NDST3: variants seen among roughly 807,000 people sequenced by gnomAD.
NDST3 encodes N-deacetylase and N-sulfotransferase 3.
In NDST3, 58 loss-of-function variants were observed where a neutral mutation model predicts 96.1. The ratio of observed to expected loss-of-function variants is 0.60; its 90% CI spans 0.49 to 0.75. NDST3 has a LOEUF of 0.75. Among genes scored for constraint, NDST3 ranks in the 30% least tolerant of loss-of-function variants. NDST3 has a pLI of 0.00. For missense variants in NDST3, 788 were observed against 1,034.2 expected, an observed-to-expected ratio of 0.76 and a Z score of 3.27; for synonymous variants, 333 against 359.7, an observed-to-expected ratio of 0.93 and a Z score of 0.84.
chr4:118,058,634 TGCGCGC>T (rs72236505), intron 2 of NDST3, among the ~76,000 whole-genome samples: 267 of 11,562 alleles, frequency 0.023, 3 homozygotes, highest in Middle Eastern at 0.05. Flanking sequence ...TGTGTGTGTG[TGCGCGC>T]GCGCGCACGC....
At chr4:118,057,755 G>A (rs1725546838) in intron 2 of NDST3, among the ~76,000 whole-genome samples, 1 of 152,084 alleles carries the variant, frequency 6.6e-6, no homozygotes, top group South Asian at 2.1e-4. Context: ...TTTGCAGTAA[G>A]TTGGAGTCAG....
At chr4:118,051,478 G>A (rs983468264) in intron 1 of NDST3, among the ~76,000 whole-genome samples, 1 of 152,002 alleles carries the variant, frequency 6.6e-6, no homozygotes, top group Non-Finnish European at 1.5e-5. Flanking sequence ...ACAACCTACA[G>A]AATGGGAGAA....
rs75813653 is a variant in NDST3, at chr4:118,112,230, G to A, written c.1070-2576G>A. On this transcript the variant is annotated intron_variant, in intron 3 of 13. Transcript: ENST00000296499. ...ATTCAGGAAAGGACAACAAATGCCT[G>A]AGCTATCTTTTCAAAGAACCCTGAG... Among the ~76,000 whole-genome samples, 50 of 152,304 alleles carry A rather than the reference G, an allele frequency of 3.3e-4. No individual in the cohort carries two copies. In the East Asian group the frequency reaches 7.9e-3, roughly 24 times the overall value.
chr4:118,051,600 A>G (rs567051242), intron 1 of NDST3, among the ~76,000 whole-genome samples: 4 of 152,200 alleles, frequency 2.6e-5, no homozygotes, highest in Non-Finnish European at 5.9e-5. Context: ...AAAGGACATG[A>G]GCAGATGTTT....
intron 4 of NDST3, among the ~76,000 whole-genome samples, chr4:118,117,538 T>C (rs773256990): frequency 6.6e-6 from 1 of 152,238 alleles, no homozygotes; most frequent in Non-Finnish European, 1.5e-5. Flanking sequence ...GCATTGTTGC[T>C]GACTTTAAAG....
intron 3 of NDST3, among the ~76,000 whole-genome samples, chr4:118,114,089 A>T (rs1239523156): frequency 2.0e-5 from 3 of 152,044 alleles, no homozygotes; most frequent in Non-Finnish European, 2.9e-5. Flanking sequence ...CTGACCCTTA[A>T]GGAAAAAAGA....
chr4:118,052,328 AC>A (rs1314814598), intron 1 of NDST3, among the ~76,000 whole-genome samples: 1 of 152,082 alleles, frequency 6.6e-6, no homozygotes, highest in Non-Finnish European at 1.5e-5. Flanking sequence ...TGGGAGCTAA[AC>A]CCTGAGCACA....
chr4:118,075,299 T>C (rs1727431634), intron 2 of NDST3, among the ~76,000 whole-genome samples: 1 of 152,208 alleles, frequency 6.6e-6, no homozygotes, highest in Non-Finnish European at 1.5e-5. Context: ...AGTCTATCAT[T>C]GTTGGACATT....
At chr4:118,088,642 A>G (rs1028143111) in intron 2 of NDST3, among the ~76,000 whole-genome samples, 5 of 152,072 alleles carry the variant, frequency 3.3e-5, no homozygotes, top group Non-Finnish European at 5.9e-5. Flanking sequence ...AGAAACCGCA[A>G]TTTAGTTCGG....
At chr4:118,202,427 G>A (rs1236843016) in intron 6 of NDST3, among the ~76,000 whole-genome samples, 3 of 152,100 alleles carry the variant, frequency 2.0e-5, no homozygotes, top group South Asian at 2.1e-4. Context: ...CCATTTTTAC[G>A]AAACTGATTC....
intron 1 of NDST3, among the ~76,000 whole-genome samples, chr4:118,038,496 G>A (rs1724271165): frequency 6.6e-6 from 1 of 152,168 alleles, no homozygotes; most frequent in Admixed American, 6.5e-5. Context: ...TGCAGTTCTA[G>A]AGACAGAGTG....
chr4:118,149,920 G>A lies in NDST3; in HGVS notation c.1539+6236G>A, dbSNP rs538114295. Among the ~76,000 whole-genome samples, 3 of 151,032 alleles carry A rather than the reference G, an allele frequency of 2.0e-5. No individual in the cohort carries two copies. In the South Asian group the frequency reaches 6.3e-4, roughly 32 times the overall value. On this transcript the variant is annotated intron_variant, in intron 6 of 13. Coordinates refer to ENST00000296499, the MANE Select transcript of NDST3 (RefSeq NM_004784.3). Reference sequence around the variant, plus strand: ...TCATAGATAGCTCTTATTATTTTGAGATATGTCCCATCAATACCTAATTTA... The same window carrying A: ...TCATAGATAGCTCTTATTATTTTGAAATATGTCCCATCAATACCTAATTTA...
At chr4:118,208,309 G>T (rs368277459) in intron 6 of NDST3, among the ~76,000 whole-genome samples, 1 of 144,086 alleles carries the variant, frequency 6.9e-6, no homozygotes, top group East Asian at 2.0e-4. Flanking sequence ...CCCTCCAGAT[G>T]CCAGCAGCTT....
At chr4:118,073,200 T>C (rs959067356) in intron 2 of NDST3, among the ~76,000 whole-genome samples, 1 of 152,038 alleles carries the variant, frequency 6.6e-6, no homozygotes, top group African/African-American at 2.4e-5. Context: ...TTTTACTGTA[T>C]CTCTGCCAGG....
intron 5 of NDST3, among the ~76,000 whole-genome samples, chr4:118,140,414 A>G (rs1181477930): frequency 6.6e-6 from 1 of 152,204 alleles, no homozygotes; most frequent in Non-Finnish European, 1.5e-5. Context: ...TTGAGCCCTA[A>G]CCAAAGTCTC....
At chr4:118,231,291 G>A (rs996052925) in intron 8 of NDST3, among the ~76,000 whole-genome samples, 7 of 151,346 alleles carry the variant, frequency 4.6e-5, no homozygotes, top group South Asian at 2.1e-4. Flanking sequence ...AGCCCAGATC[G>A]TGCCACTGCA....
At chr4:118,070,213 C>A (rs1726935161) in intron 2 of NDST3, among the ~76,000 whole-genome samples, 1 of 152,128 alleles carries the variant, frequency 6.6e-6, no homozygotes, top group African/African-American at 2.4e-5. Context: ...TCGACCAGTT[C>A]TAACTCTGTG....
intron 10 of NDST3, among the ~76,000 whole-genome samples, chr4:118,240,132 T>A (rs1740914267): frequency 6.6e-6 from 1 of 151,570 alleles, no homozygotes; most frequent in Non-Finnish European, 1.5e-5. Context: ...GCAGAGGTAG[T>A]AGGGTGCTTC....
chr4:118,092,068 A>ATTTG (rs1728920917), intron 2 of NDST3, among the ~76,000 whole-genome samples: 1 of 28,858 alleles, frequency 3.5e-5, no homozygotes, highest in Non-Finnish European at 1.4e-4. Flanking sequence ...TTATTTATTT[A>ATTTG]TTTATTTATT....
Sources: allele counts gnomAD v4.1 joint callset (sites outside exome capture counted in the v4.1 genomes callset), GRCh38; gene constraint gnomAD v4.1.1; transcripts MANE v1.5; gene names NCBI Gene and HGNC (gene_info 2026-07-23, HGNC 2026-07-21).